CASTOR2: variants seen among roughly 807,000 people sequenced by gnomAD.
CASTOR2 encodes cytosolic arginine sensor for mTORC1 subunit 2, also known as GATS protein like 2.
Under a neutral mutation model 31.2 loss-of-function variants are expected in CASTOR2, and 8 were observed. The observed-to-expected ratio is 0.26, with a 90% CI of 0.15 to 0.46. The LOEUF is 0.46. CASTOR2 is among the 20% of genes least tolerant of loss of function. The probability of loss-of-function intolerance (pLI) is 0.99; values close to 1 mark genes in which losing one functional copy is unlikely to be tolerated. For missense variants in CASTOR2, 216 were observed against 382.1 expected (o/e 0.57, Z 3.62); for synonymous variants, 162 against 158.7 (o/e 1.02, Z -0.16).
At chr7:74,989,616 A>G (rs1413633911) in intron 1 of CASTOR2, among the ~76,000 whole-genome samples, 68 of 141,748 alleles carry the variant, frequency 4.8e-4, no homozygotes, top group African/African-American at 1.7e-3. Context: ...GGATCTCACT[A>G]TGTTGCCCAG....
intron 1 of CASTOR2, among the ~76,000 whole-genome samples, chr7:75,001,439 C>T (rs1804493614): frequency 6.6e-6 from 1 of 152,168 alleles, no homozygotes; most frequent in African/African-American, 2.4e-5. Flanking sequence ...GGCATTTGCT[C>T]CTCTTTCCAG....
intron 1 of CASTOR2, among the ~76,000 whole-genome samples, chr7:74,977,730 G>A (rs1374579136): frequency 1.3e-5 from 2 of 150,556 alleles, no homozygotes; most frequent in African/African-American, 4.9e-5. Context: ...AAGCTGGAGT[G>A]CAGTGATGCA....
intron 2 of CASTOR2, among the ~76,000 whole-genome samples, chr7:75,014,652 G>C (rs1443426659): frequency 1.3e-5 from 2 of 152,074 alleles, no homozygotes; most frequent in Non-Finnish European, 2.9e-5. Flanking sequence ...TGAGCAGGGC[G>C]GGTAGACCAA....
rs1479636694 is a variant in CASTOR2 at position 75,022,163 on chromosome 7, G to T, written c.829+207G>T. On this transcript the variant is annotated intron_variant, in intron 7 of 8. Transcript: ENST00000616305. ...AAGTGCGGAGCAGGCTTCAATCGGA[G>T]TGCTTTTATTTTGCCCCCTCTTGAA... Among the ~76,000 whole-genome samples the T allele has an allele frequency of 2.6e-5, 4 of 152,306 alleles. No individual in the cohort carries two copies. In the East Asian group the frequency reaches 7.7e-4, roughly 29 times the overall value.
At chr7:75,004,363 A>G (rs1804562549) in intron 1 of CASTOR2, among the ~76,000 whole-genome samples, 1 of 152,104 alleles carries the variant, frequency 6.6e-6, no homozygotes, top group Non-Finnish European at 1.5e-5. Context: ...CCAGAGGGAA[A>G]TTGATGAGCG....
At position 75,026,269 on chromosome 7, in the gene CASTOR2, A is replaced by T. The variant is rs1584480414; in HGVS notation, c.*1570A>T. Among the ~76,000 whole-genome samples the T allele has an allele frequency of 6.9e-6, 1 of 143,998 alleles. No individual in the cohort carries two copies. The highest frequency in any genetic ancestry group is 1.5e-5 in the Non-Finnish European group (1 of 66,568). The allele number at this position is 143,998 out of a possible 152,430, so 94.5% of individuals were successfully genotyped here. On this transcript the variant is annotated 3_prime_UTR_variant, in exon 9 of 9. Coordinates refer to ENST00000616305, the MANE Select transcript of CASTOR2 (RefSeq NM_001145064.3). ...CAGTGGCACGATCTTGGCTCACTAC[A>T]CCCTCCTCCTCCCAGGTTCAAGTGA...
At position 75,024,836 on chromosome 7, in the gene CASTOR2, G is replaced by A. The variant is rs931988301; in HGVS notation, c.*137G>A. 7.8e-6 allele frequency: 12 copies of A among 1,544,810 alleles called. No individual in the cohort carries two copies. Among genetic ancestry groups the A allele is most frequent in the Middle Eastern group, 2.2e-4 (1 of 4,484 alleles). ...AGGGGCCTCTGTGGGAGACTCCCTC[G>A]ATTGCCAATCCCTCCAGGGCAGGGG... is the stretch of plus-strand genomic sequence containing the variant. On this transcript the variant is annotated 3_prime_UTR_variant, in exon 9 of 9. Transcript: ENST00000616305.
In CASTOR2 at chr7:74,999,145, G is replaced by A. The variant is rs1379444095; in HGVS notation, c.114-8849G>A. On this transcript the variant is annotated intron_variant, in intron 1 of 8. Transcript: ENST00000616305. ...CGAGTAGCTGGGACTACAGGCGCCC[G>A]CCACCATGCCCAGCTAATTTTTTGT... is the stretch of plus-strand genomic sequence containing the variant. Among the ~76,000 whole-genome samples, 13 of 151,160 alleles carry A rather than the reference G, an allele frequency of 8.6e-5. No homozygotes were observed. In the East Asian group the frequency reaches 1.8e-3, roughly 20 times the overall value.
intron 1 of CASTOR2, among the ~76,000 whole-genome samples, chr7:74,977,328 C>G (rs782606466): frequency 9.9e-5 from 15 of 151,586 alleles, no homozygotes; most frequent in Non-Finnish European, 2.2e-4. Flanking sequence ...CAGTGGGATT[C>G]TGGGTGTCCA....
At chr7:74,979,091 C>G (rs1447867322) in intron 1 of CASTOR2, among the ~76,000 whole-genome samples, 1 of 151,962 alleles carries the variant, frequency 6.6e-6, no homozygotes, top group African/African-American at 2.4e-5. Context: ...CGCTTGACCC[C>G]GGGAGGTAGA....
chr7:75,017,531 C>A, intron 2 of CASTOR2, 67 bp from the exon 3 acceptor site: 1 of 1,572,038 alleles, frequency 6.4e-7, no homozygotes, highest in Non-Finnish European at 8.7e-7. Context: ...TCTGGCCTGC[C>A]TTGCCCTGCC....
chr7:74,991,132 A>C (rs1804201428), intron 1 of CASTOR2, among the ~76,000 whole-genome samples: 1 of 151,802 alleles, frequency 6.6e-6, no homozygotes, highest in Non-Finnish European at 1.5e-5. Flanking sequence ...CACGAGCCAC[A>C]CTATAGTTGG....
Position 75,027,796 on chromosome 7 carries a change from C to T in CASTOR2, c.*3097C>T. ...AAGCTTGGTTTATCTTCTCGGCGTT[C>T]TGTGTGTAGCGTAGTCTTGGTTTGG... On this transcript the variant is annotated 3_prime_UTR_variant, in exon 9 of 9. Coordinates refer to ENST00000616305, the MANE Select transcript of CASTOR2 (RefSeq NM_001145064.3). 1.7e-6 allele frequency: 1 copy of T among 571,904 alleles called. No homozygotes were observed. The highest frequency in any genetic ancestry group is 3.1e-6 in the Non-Finnish European group (1 of 321,400). 35.4% of individuals were successfully genotyped at this position (571,904 alleles called of 1,614,324 possible).
chr7:75,007,203 G>A (rs1365152042), intron 1 of CASTOR2, among the ~76,000 whole-genome samples: 11 of 152,270 alleles, frequency 7.2e-5, no homozygotes, highest in African/African-American at 2.4e-4. Context: ...CATGGGTGTT[G>A]AGGGGATGAT....
At chr7:75,008,626 T>C (rs1469207806) in intron 2 of CASTOR2, among the ~76,000 whole-genome samples, 2 of 151,836 alleles carry the variant, frequency 1.3e-5, no homozygotes, top group Admixed American at 6.6e-5. Flanking sequence ...AGCCCAGGAG[T>C]TGGAGGCTGC....
At chr7:74,994,443 G>A (rs1804289639) in intron 1 of CASTOR2, among the ~76,000 whole-genome samples, 1 of 152,180 alleles carries the variant, frequency 6.6e-6, no homozygotes, top group Non-Finnish European at 1.5e-5. Flanking sequence ...CTATGTCAGA[G>A]AGTTGATGGG....
chr7:75,003,837 C>T (rs1804550277), intron 1 of CASTOR2, among the ~76,000 whole-genome samples: 2 of 152,008 alleles, frequency 1.3e-5, no homozygotes, highest in South Asian at 4.1e-4. Context: ...ACCAGAGCAA[C>T]GGCAGCCGGT....
At chr7:75,015,354 T>C (rs1804841859) in intron 2 of CASTOR2, among the ~76,000 whole-genome samples, 1 of 152,162 alleles carries the variant, frequency 6.6e-6, no homozygotes, top group Admixed American at 6.6e-5. Flanking sequence ...ACTGCAGCCT[T>C]GAAATCTCAG....
At chr7:74,993,844 C>T (rs1218711581) in intron 1 of CASTOR2, among the ~76,000 whole-genome samples, 1 of 151,174 alleles carries the variant, frequency 6.6e-6, no homozygotes, top group African/African-American at 2.4e-5. Flanking sequence ...CTCTCTGCTA[C>T]TTTAGCTGGT....
Sources: gnomAD v4.1 joint callset for allele counts (sites outside exome capture counted in the v4.1 genomes callset) on GRCh38, gnomAD v4.1.1 for gene constraint, MANE v1.5 for transcripts, NCBI Gene and HGNC (gene_info 2026-07-23, HGNC 2026-07-21) for gene names.